BAHCC1: variants seen among roughly 807,000 people sequenced by gnomAD.
BAHCC1 encodes BAH domain and coiled-coil containing 1.
BAHCC1 carries 43 observed loss-of-function variants against 88.2 expected under a neutral mutation model. The ratio of observed to expected loss-of-function variants is 0.49; its 90% confidence interval spans 0.38 to 0.63. BAHCC1 has a LOEUF of 0.63. BAHCC1 is among the 20% of genes least tolerant of loss of function. The probability of loss-of-function intolerance (pLI) is 0.00; values close to 1 mark genes in which losing one functional copy is unlikely to be tolerated. For synonymous variants in BAHCC1, 1,510 were observed against 745.5 expected, an observed-to-expected ratio of 2.03 and a Z score of -16.71; for missense variants, 3,023 against 1,654.8, an observed-to-expected ratio of 1.83 and a Z score of -14.34.
At chr17:81,441,548 G>A (rs1321425223) in intron 4 of BAHCC1, among the ~76,000 whole-genome samples, 2 of 151,814 alleles carry the variant, frequency 1.3e-5, no homozygotes, top group African/African-American at 4.8e-5. Flanking sequence ...TGTAGTCCCA[G>A]CTACTCGGGA....
At chr17:81,429,592 A>C (rs1209639615) in intron 3 of BAHCC1, among the ~76,000 whole-genome samples, 1 of 150,564 alleles carries the variant, frequency 6.6e-6, no homozygotes, top group African/African-American at 2.4e-5. Context: ...GTGTGTGTTC[A>C]TGGGGGAAGG....
intron 3 of BAHCC1, among the ~76,000 whole-genome samples, chr17:81,432,504 T>C (rs2064271888): frequency 8.3e-6 from 1 of 120,062 alleles, no homozygotes; most frequent in Non-Finnish European, 1.8e-5. Flanking sequence ...CCCTGTGGCT[T>C]GAGGGCGGCC....
chr17:81,420,411 C>T (rs1555649460), intron 2 of BAHCC1, among the ~76,000 whole-genome samples: 1 of 152,202 alleles, frequency 6.6e-6, no homozygotes, highest in Non-Finnish European at 1.5e-5. Flanking sequence ...CAGCTGTTCC[C>T]CAGTCTTCCC....
rs528624413 is a variant in BAHCC1 at position 81,461,698 on chromosome 17, G to A, written c.7035G>A (p.Ser2345=). 21 of 720,634 alleles carry A rather than the reference G, an allele frequency of 2.9e-5. No homozygotes were observed. Among genetic ancestry groups the A allele is most frequent in the South Asian group, 8.9e-5 (6 of 67,782 alleles). The allele number at this position is 720,634 out of a possible 1,614,324, so 44.6% of individuals were successfully genotyped here. A position where few individuals can be genotyped will look rare whatever the true frequency, so the allele number is the denominator to read the frequency against. ...TCTGCTCCTCCGACAACGAGGACTCGTCCTACAGCTCAGACGACGAGGACC... is the reference window on the plus strand; with the variant it reads ...TCTGCTCCTCCGACAACGAGGACTCATCCTACAGCTCAGACGACGAGGACC... ...SSLCSSDNED[S]SYSSDDEDPA... The change falls in exon 26 of 28, where the codon TCG becomes TCA. Residue 2345 remains serine, a synonymous_variant. Coordinates refer to ENST00000675386, the MANE Select transcript of BAHCC1 (RefSeq NM_001377448.1).
At chr17:81,430,839 C>T (rs879026815) in intron 3 of BAHCC1, among the ~76,000 whole-genome samples, 25,047 of 151,954 alleles carry the variant, frequency 0.16, 2,361 homozygotes, top group Non-Finnish European at 0.2. Flanking sequence ...GCTGACCACC[C>T]CAGCACTGAC....
chr17:81,398,766 C>T (rs915316049), intron 1 of BAHCC1, among the ~76,000 whole-genome samples: 1 of 132,168 alleles, frequency 7.6e-6, no homozygotes, highest in South Asian at 2.5e-4. Flanking sequence ...ATGCCGGTGG[C>T]GGTTGCGGGC....
At chr17:81,407,395 C>G (rs782616592) in intron 2 of BAHCC1, 2 of 519,920 alleles carry the variant, frequency 3.8e-6, no homozygotes, top group African/African-American at 3.8e-5. Context: ...GTGCGACTCC[C>G]TCTCTCTCCG....
intron 23 of BAHCC1, 78 bp downstream of exon 23, chr17:81,459,682 C>G (rs1871235): frequency 0.23 from 176,642 of 758,742 alleles, 25,028 homozygotes; most frequent in East Asian, 0.53. Context: ...AACAGCCTGG[C>G]TTCCGAGGCT....
At position 81,399,701 on chromosome 17, in the gene BAHCC1, C is replaced by A. The variant is rs2063788530; in HGVS notation, c.-39C>A. The A allele has an allele frequency of 8.9e-6, 9 of 1,005,766 alleles. No homozygotes were observed. In the South Asian group the frequency reaches 4.0e-4, roughly 45 times the overall value. 62.3% of individuals were successfully genotyped at this position (1,005,766 alleles called of 1,614,324 possible). A position where few individuals can be genotyped will look rare whatever the true frequency, so the allele number is the denominator to read the frequency against. On this transcript the variant is annotated 5_prime_UTR_variant, in exon 2 of 28. Coordinates refer to ENST00000675386, the MANE Select transcript of BAHCC1 (RefSeq NM_001377448.1). This position sits in a 1 kb window ranked among gnomAD's most constrained non-coding sequence, Gnocchi z 4.5. ...CCGCCCCCGGGCCCCGGCCGCGCTG[C>A]TCCGAGGAAGCGGCGGCGGACCGGG...
intron 3 of BAHCC1, among the ~76,000 whole-genome samples, chr17:81,427,889 C>T (rs985497323): frequency 0.052 from 7,882 of 152,262 alleles, 544 homozygotes; most frequent in African/African-American, 0.16. Context: ...GCCACCGCCC[C>T]GTTCCAGGCA....
chr17:81,404,320 C>T (rs573722093), intron 2 of BAHCC1, among the ~76,000 whole-genome samples: 8 of 152,310 alleles, frequency 5.3e-5, no homozygotes, highest in East Asian at 1.9e-4. Flanking sequence ...TTCTCTCTTA[C>T]GGGAACTTGG....
intron 27 of BAHCC1, 137 bp downstream of exon 27, chr17:81,463,113 G>T: frequency 1.6e-6 from 1 of 616,156 alleles, no homozygotes; most frequent in Non-Finnish European, 2.9e-6. Context: ...CCACGGCCCT[G>T]CAGGGAGCCG....
chr17:81,459,201 G>A lies in BAHCC1; in HGVS notation c.5720+33G>A, dbSNP rs782289664. ...CTGGGCATGGTGGGGCAGGGCAGGG[G>A]CCTGGAGGGCAACCGAGACCCGTGG... On this transcript the variant is annotated intron_variant, in intron 21 of 27. Transcript: ENST00000675386. 10 of 771,008 alleles carry A rather than the reference G, an allele frequency of 1.3e-5. No individual in the cohort carries two copies. The African/African-American group carries it at 1.7e-4, about 13-fold the overall frequency. 47.8% of individuals were successfully genotyped at this position (771,008 alleles called of 1,614,324 possible).
chr17:81,446,628 AGC>A, intron 10 of BAHCC1: 1 of 335,052 alleles, frequency 3.0e-6, no homozygotes, highest in Non-Finnish European at 5.9e-6. Flanking sequence ...GGTTCACTGC[AGC>A]CTCGGCCTCC....
At chr17:81,440,345 G>C (rs536173216) in intron 4 of BAHCC1, among the ~76,000 whole-genome samples, 1 of 152,238 alleles carries the variant, frequency 6.6e-6, no homozygotes, top group Admixed American at 6.5e-5. Flanking sequence ...ACAATATTTT[G>C]GTGGAGCTGT....
chr17:81,458,283 C>T lies in BAHCC1; in HGVS notation c.5160C>T (p.Gly1720=). 2 of 749,344 alleles carry T rather than the reference C, an allele frequency of 2.7e-6. No individual in the cohort carries two copies. Among genetic ancestry groups the T allele is most frequent in the Non-Finnish European group, 5.0e-6 (2 of 403,838 alleles). The allele number at this position is 749,344 out of a possible 1,614,324, so 46.4% of individuals were successfully genotyped here. Residue 1720 remains glycine, a synonymous_variant, in exon 18 of 28, where the codon GGC becomes GGT. Coordinates refer to ENST00000675386, the MANE Select transcript of BAHCC1 (RefSeq NM_001377448.1). ...APGQRPPGAL[G]KKKAKGKAKG... is the part of the protein sequence containing the mutation. Reference sequence around the variant, plus strand: ...GGCAGAGGCCCCCAGGTGCGCTGGGCAAGAAGAAAGCCAAGGGCAAGGCCA... The same window carrying T: ...GGCAGAGGCCCCCAGGTGCGCTGGGTAAGAAGAAAGCCAAGGGCAAGGCCA...
intron 2 of BAHCC1, among the ~76,000 whole-genome samples, chr17:81,416,140 G>A (rs1349256984): frequency 1.3e-5 from 2 of 149,970 alleles, no homozygotes; most frequent in African/African-American, 4.9e-5. Flanking sequence ...GGGTCTATGC[G>A]TGTGTCCATG....
chr17:81,428,268 G>A (rs887812655), intron 3 of BAHCC1, among the ~76,000 whole-genome samples: 4 of 152,180 alleles, frequency 2.6e-5, no homozygotes, highest in East Asian at 1.9e-4. Flanking sequence ...GCCCCACCCC[G>A]CCTCAGCCTT....
rs781816871 is a variant in BAHCC1, at chr17:81,462,765, G to A, written c.7409G>A (p.Arg2470Gln). 8 of 771,882 alleles carry A rather than the reference G, an allele frequency of 1.0e-5. No individual in the cohort carries two copies. Among genetic ancestry groups the A allele is most frequent in the Middle Eastern group, 2.3e-4 (1 of 4,412 alleles). The allele number at this position is 771,882 out of a possible 1,614,324, so 47.8% of individuals were successfully genotyped here. Residue 2470 changes from arginine to glutamine, a missense_variant, in exon 27 of 28, where the codon CGG (arginine) becomes CAG (glutamine). Coordinates refer to ENST00000675386, the MANE Select transcript of BAHCC1 (RefSeq NM_001377448.1). ...CGGCGTGGCATGAAGGGGAAGGCCC[G>A]GAAGCTGTTCTACAAGGCCATCGTG... is the stretch of plus-strand genomic sequence containing the variant. ...TQRRGMKGKA[R>Q]KLFYKAIVRG... is the part of the protein sequence containing the mutation.
Sources: gnomAD v4.1 joint callset for allele counts (sites outside exome capture counted in the v4.1 genomes callset) on GRCh38, gnomAD v4.1.1 for gene constraint, Gnocchi (gnomAD v3.1) non-coding constraint, MANE v1.5 for transcripts, NCBI Gene and HGNC (gene_info 2026-07-23, HGNC 2026-07-21) for gene names.